The following DNAJC5 variants were observed in gnomAD, a reference collection of about 807,000 sequenced individuals.
DNAJC5 encodes the protein DnaJ heat shock protein family (Hsp40) member C5.
Under a neutral mutation model 23.2 loss-of-function variants are expected in DNAJC5, and 1 was observed. That is an observed-to-expected ratio of 0.04 (90% CI 0.02 to 0.20). The LOEUF (loss-of-function observed/expected upper bound fraction) is 0.20. DNAJC5 is among the 10% of genes least tolerant of loss of function. DNAJC5 has a pLI of 1.00. For synonymous variants in DNAJC5, 136 were observed against 120.0 expected (o/e 1.13, Z -0.87); for missense variants, 180 against 267.0 (o/e 0.67, Z 2.27).
In DNAJC5 at chr20:63,931,251, C is replaced by A; in HGVS notation, c.494-214C>A. On this transcript the variant is annotated intron_variant, in intron 4 of 4. Transcript: ENST00000360864. The surrounding 1 kb of genome is among the most constrained non-coding windows in gnomAD (Gnocchi z 9.6). Reference sequence around the variant, plus strand: ...GCCGTAGATCCCAGGGACTGCGAGGCGGGGCAGGGCGGCAGGCAGTTGGGG... The same window carrying A: ...GCCGTAGATCCCAGGGACTGCGAGGAGGGGCAGGGCGGCAGGCAGTTGGGG... 1 of 777,046 alleles carries A rather than the reference C, an allele frequency of 1.3e-6. No individual in the cohort carries two copies. Among genetic ancestry groups the A allele is most frequent in the Non-Finnish European group, 2.2e-6 (1 of 457,188 alleles). The allele number at this position is 777,046 out of a possible 1,614,324, so 48.1% of individuals were successfully genotyped here.
intron 1 of DNAJC5, among the ~76,000 whole-genome samples, chr20:63,904,794 GT>G (rs1308113730): frequency 1.3e-5 from 2 of 151,218 alleles, no homozygotes; most frequent in African/African-American, 2.4e-5. Context: ...AACTGTGGGG[GT>G]TTTTTTGTTT....
At chr20:63,899,872 C>CAT (rs1568973710) in intron 1 of DNAJC5, among the ~76,000 whole-genome samples, 1,859 of 141,480 alleles carry the variant, frequency 0.013, 126 homozygotes, top group Admixed American at 0.1. Context: ...TGAGCCACTG[C>CAT]GCCTGGGCTT....
intron 1 of DNAJC5, among the ~76,000 whole-genome samples, chr20:63,901,980 C>G (rs1568974598): frequency 6.6e-6 from 1 of 151,962 alleles, no homozygotes; most frequent in Non-Finnish European, 1.5e-5. Flanking sequence ...CTGTTAAAAT[C>G]TGAGATTTTA....
intron 1 of DNAJC5, among the ~76,000 whole-genome samples, chr20:63,910,282 C>T (rs1052942566): frequency 4.6e-5 from 7 of 152,074 alleles, no homozygotes; most frequent in African/African-American, 1.7e-4. Flanking sequence ...CGGTGGCTCA[C>T]GCCTGTGGTC....
Position 63,928,116 on chromosome 20 carries a change from C to A in DNAJC5, c.-11-219C>A, listed in dbSNP as rs573940834. On this transcript the variant is annotated intron_variant, in intron 1 of 4. Coordinates refer to ENST00000360864, the MANE Select transcript of DNAJC5 (RefSeq NM_025219.3). This position sits in a 1 kb window ranked among gnomAD's most constrained non-coding sequence, Gnocchi z 4.6. ...AGGTGTGAGCCCCTGTGCCGGCCCA[C>A]AGTACACAGCTGCAGTTCTTCAGGA... Among the ~76,000 whole-genome samples, 3 of 152,204 alleles carry A rather than the reference C, an allele frequency of 2.0e-5. No individual in the cohort carries two copies. The highest frequency in any genetic ancestry group is 7.2e-5 in the African/African-American group (3 of 41,528).
intron 1 of DNAJC5, among the ~76,000 whole-genome samples, chr20:63,896,044 G>A (rs2053373420): frequency 6.6e-6 from 1 of 152,202 alleles, no homozygotes; most frequent in Non-Finnish European, 1.5e-5. Context: ...GGAAAAGGAA[G>A]CAAAAATTTC....
intron 1 of DNAJC5, among the ~76,000 whole-genome samples, chr20:63,897,490 T>C (rs1331162071): frequency 6.6e-6 from 1 of 151,632 alleles, no homozygotes; most frequent in Non-Finnish European, 1.5e-5. Flanking sequence ...CCCTTGAACC[T>C]GGGAGGTGGA....
rs759799508 is a variant in DNAJC5, at chr20:63,920,908, C to T, written c.-11-7427C>T. Among the ~76,000 whole-genome samples, 1 of 151,932 alleles carries T rather than the reference C, an allele frequency of 6.6e-6. No individual in the cohort carries two copies. The highest frequency in any genetic ancestry group is 1.5e-5 in the Non-Finnish European group (1 of 67,990). On this transcript the variant is annotated intron_variant, in intron 1 of 4. Transcript: ENST00000360864. The surrounding 1 kb of genome is among the most constrained non-coding windows in gnomAD (Gnocchi z 4.6). ...GTCAGGCTGGTCTCGAACTCCTGGC[C>T]ACAAGAAGCAATCCACCTGCCTCAG...
chr20:63,898,004 G>A (rs1010688349), intron 1 of DNAJC5, among the ~76,000 whole-genome samples: 8 of 152,188 alleles, frequency 5.3e-5, no homozygotes, highest in African/African-American at 1.9e-4. Context: ...TTGCTTGGAG[G>A]GTGGATACCA....
At chr20:63,901,778 T>G (rs573274544) in intron 1 of DNAJC5, among the ~76,000 whole-genome samples, 49 of 152,330 alleles carry the variant, frequency 3.2e-4, no homozygotes, top group African/African-American at 1.1e-3. Flanking sequence ...TTAAATAGGA[T>G]TGTGTTTTAT....
chr20:63,923,660 G>T (rs1023806759), intron 1 of DNAJC5, among the ~76,000 whole-genome samples: 2 of 152,150 alleles, frequency 1.3e-5, no homozygotes, highest in African/African-American at 2.4e-5. Flanking sequence ...AGGAGGTCAA[G>T]GTTGCAGTGA....
intron 1 of DNAJC5, chr20:63,909,087 G>A (rs967689856): frequency 3.3e-5 from 5 of 152,170 alleles, no homozygotes; most frequent in Admixed American, 3.3e-4. Flanking sequence ...GTAATTTGTG[G>A]TAGTGGAGGG....
chr20:63,905,887 A>C (rs1228035233), intron 1 of DNAJC5, among the ~76,000 whole-genome samples: 2 of 151,866 alleles, frequency 1.3e-5, no homozygotes, highest in East Asian at 3.9e-4. Flanking sequence ...GGCACGTGCC[A>C]CCTCACCTGG....
intron 1 of DNAJC5, among the ~76,000 whole-genome samples, chr20:63,912,824 G>A (rs776988885): frequency 3.0e-4 from 46 of 152,228 alleles, no homozygotes; most frequent in Non-Finnish European, 5.3e-4. Flanking sequence ...GGCCAGGATG[G>A]TCTTGATCTC....
intron 1 of DNAJC5, among the ~76,000 whole-genome samples, chr20:63,895,906 C>T (rs1600855418): frequency 6.6e-6 from 1 of 152,340 alleles, no homozygotes; most frequent in East Asian, 1.9e-4. Context: ...ATATTGAACT[C>T]TTAAGGAGAG....
At chr20:63,914,465 C>A (rs947545552) in intron 1 of DNAJC5, among the ~76,000 whole-genome samples, 2 of 152,052 alleles carry the variant, frequency 1.3e-5, no homozygotes, top group East Asian at 3.9e-4. Flanking sequence ...CAGGCGCCTA[C>A]CACCATACCT....
chr20:63,931,241 G>A lies in DNAJC5; in HGVS notation c.493+219G>A. The A allele has an allele frequency of 1.3e-6, 1 of 788,666 alleles. No homozygotes were observed. Among genetic ancestry groups the A allele is most frequent in the South Asian group, 1.5e-5 (1 of 68,126 alleles). 48.9% of individuals were successfully genotyped at this position (788,666 alleles called of 1,614,324 possible). A position where few individuals can be genotyped will look rare whatever the true frequency, so the allele number is the denominator to read the frequency against. On this transcript the variant is annotated intron_variant, in intron 4 of 4. Transcript: ENST00000360864. This position sits in a 1 kb window ranked among gnomAD's most constrained non-coding sequence, Gnocchi z 9.6. ...ACCTGCGGTAGCCGTAGATCCCAGG[G>A]ACTGCGAGGCGGGGCAGGGCGGCAG... is the stretch of plus-strand genomic sequence containing the variant.
rs2053667132 is a variant in DNAJC5, at chr20:63,931,193, C to T, written c.493+171C>T. The T allele has an allele frequency of 1.4e-5, 12 of 827,860 alleles. No homozygotes were observed. The highest frequency in any genetic ancestry group is 1.3e-4 in the East Asian group (5 of 37,810). The allele number at this position is 827,860 out of a possible 1,614,324, so 51.3% of individuals were successfully genotyped here. A position where few individuals can be genotyped will look rare whatever the true frequency, so the allele number is the denominator to read the frequency against. On this transcript the variant is annotated intron_variant, in intron 4 of 4. Coordinates refer to ENST00000360864, the MANE Select transcript of DNAJC5 (RefSeq NM_025219.3). The surrounding 1 kb of genome is among the most constrained non-coding windows in gnomAD (Gnocchi z 9.6). ...AACGTGGACCCTGAGGTAAAGCAGG[C>T]GCATAGAGCTGTCCCCGCCGTGACC... is the stretch of plus-strand genomic sequence containing the variant.
At position 63,912,956 on chromosome 20, in the gene DNAJC5, A is replaced by G. The variant is rs923862422; in HGVS notation, c.-11-15379A>G. Among the ~76,000 whole-genome samples the G allele has an allele frequency of 9.3e-5, 12 of 128,974 alleles. 1 individual carries two copies. The highest frequency in any genetic ancestry group is 1.3e-4 in the African/African-American group (4 of 30,190). The allele number at this position is 128,974 out of a possible 152,430, so 84.6% of individuals were successfully genotyped here. A position where few individuals can be genotyped will look rare whatever the true frequency, so the allele number is the denominator to read the frequency against. On this transcript the variant is annotated intron_variant, in intron 1 of 4. Transcript: ENST00000360864. ...CACAGATTTTAAATTAAGATTCCCC[A>G]GCAGGATAAAAGAAATGCCAGTTGT... is the stretch of plus-strand genomic sequence containing the variant.
Sources: allele counts gnomAD v4.1 joint callset (sites outside exome capture counted in the v4.1 genomes callset), GRCh38; gene constraint gnomAD v4.1.1; non-coding constraint Gnocchi (gnomAD v3.1); transcripts MANE v1.5; gene names NCBI Gene and HGNC (gene_info 2026-07-23, HGNC 2026-07-21).